IQCM: variants seen among roughly 807,000 people sequenced by gnomAD.
IQCM encodes the protein IQ domain-containing protein M.
In IQCM, 45 loss-of-function variants were observed where a neutral mutation model predicts 57.6. The observed-to-expected ratio is 0.78, with a 90% confidence interval of 0.62 to 1.00. The LOEUF is 1.00. IQCM is among the 50% of genes least tolerant of loss of function. The probability of loss-of-function intolerance (pLI) is 0.00; values close to 1 mark genes in which losing one functional copy is unlikely to be tolerated. For synonymous variants in IQCM, 148 were observed against 158.9 expected (o/e 0.93, Z 0.51); for missense variants, 468 against 511.6 (o/e 0.91, Z 0.82).
chr4:149,357,142 T>G (rs577019839), intron 13 of IQCM, among the ~76,000 whole-genome samples: 2 of 152,314 alleles, frequency 1.3e-5, no homozygotes, highest in African/African-American at 2.4e-5. Flanking sequence ...AAGGAGATTT[T>G]GGGCTGAGAC....
chr4:149,629,297 T>C (rs1358978574), intron 7 of IQCM, among the ~76,000 whole-genome samples: 1 of 152,230 alleles, frequency 6.6e-6, no homozygotes, highest in Non-Finnish European at 1.5e-5. Flanking sequence ...GCTTTCAAAC[T>C]GAATCCTGTT....
rs932546453 is a variant in IQCM, at chr4:149,495,038, G to C, written c.1228+53417C>G. ...GACAGATAAAGGATAGTTATTAGCGGAGAAAGTAAGAAAAAGGTAGAGATA... is the reference window on the plus strand; with the variant it reads ...GACAGATAAAGGATAGTTATTAGCGCAGAAAGTAAGAAAAAGGTAGAGATA... On this transcript the variant is annotated intron_variant, in intron 12 of 13. Coordinates refer to ENST00000636793, the MANE Select transcript of IQCM (RefSeq NM_001363507.2). Among the ~76,000 whole-genome samples the C allele has an allele frequency of 7.9e-5, 12 of 152,162 alleles. No individual in the cohort carries two copies. In the East Asian group the frequency reaches 2.3e-3, roughly 30 times the overall value.
At chr4:149,407,819 T>C (rs1416967669) in intron 13 of IQCM, among the ~76,000 whole-genome samples, 8 of 152,150 alleles carry the variant, frequency 5.3e-5, no homozygotes, top group African/African-American at 1.7e-4. Context: ...AATAAACATA[T>C]AAACACAGGA....
At chr4:149,685,472 T>C (rs1042673480) in intron 6 of IQCM, among the ~76,000 whole-genome samples, 2 of 151,466 alleles carry the variant, frequency 1.3e-5, no homozygotes, top group Non-Finnish European at 3.0e-5. Flanking sequence ...TGTGTATATA[T>C]TTCACTCTTT....
chr4:149,581,426 C>A (rs1579571091), intron 9 of IQCM, among the ~76,000 whole-genome samples: 1 of 151,434 alleles, frequency 6.6e-6, no homozygotes, highest in Non-Finnish European at 1.5e-5. Flanking sequence ...GTCTATCTCC[C>A]TTCTATGCCC....
chr4:149,365,498 C>T (rs1385565604), intron 13 of IQCM, among the ~76,000 whole-genome samples: 2 of 152,092 alleles, frequency 1.3e-5, no homozygotes, highest in East Asian at 3.8e-4. Flanking sequence ...GTCCCCTACC[C>T]CCATCCTTTG....
intron 13 of IQCM, among the ~76,000 whole-genome samples, chr4:149,429,079 G>T (rs888013183): frequency 1.3e-5 from 2 of 151,720 alleles, no homozygotes; most frequent in Admixed American, 1.3e-4. Flanking sequence ...CCCCTTCAAG[G>T]TATCTCCATT....
At chr4:149,367,427 T>A (rs1436564393) in intron 13 of IQCM, among the ~76,000 whole-genome samples, 1 of 152,012 alleles carries the variant, frequency 6.6e-6, no homozygotes, top group East Asian at 1.9e-4. Context: ...TTACAGAAAT[T>A]ATATCATACT....
intron 11 of IQCM, among the ~76,000 whole-genome samples, chr4:149,550,111 A>G (rs929836036): frequency 6.6e-6 from 1 of 152,178 alleles, no homozygotes; most frequent in Non-Finnish European, 1.5e-5. Flanking sequence ...CTCTGGCTAC[A>G]GGCCTTCACT....
intron 12 of IQCM, among the ~76,000 whole-genome samples, chr4:149,470,297 A>G (rs569325958): frequency 1.8e-4 from 27 of 148,822 alleles, no homozygotes; most frequent in Middle Eastern, 3.4e-3. Flanking sequence ...AGCAAATGGA[A>G]AAAAAAAAAA....
intron 5 of IQCM, among the ~76,000 whole-genome samples, chr4:149,697,883 C>T (rs1234634243): frequency 1.3e-5 from 2 of 152,038 alleles, no homozygotes; most frequent in Admixed American, 6.6e-5. Flanking sequence ...TGAATTTCCC[C>T]TGGTATGTTA....
intron 10 of IQCM, among the ~76,000 whole-genome samples, chr4:149,558,159 C>T (rs2149922054): frequency 6.6e-6 from 1 of 152,292 alleles, no homozygotes; most frequent in Non-Finnish European, 1.5e-5. Flanking sequence ...ACCAGTTTCT[C>T]TCAATCTTTC....
intron 13 of IQCM, among the ~76,000 whole-genome samples, chr4:149,418,215 G>GA (rs1358200367): frequency 6.6e-6 from 1 of 151,180 alleles, no homozygotes; most frequent in Non-Finnish European, 1.5e-5. Context: ...GACTAGTAAA[G>GA]AAGAGAGAAG....
intron 2 of IQCM, among the ~76,000 whole-genome samples, chr4:149,766,291 T>C (rs978541347): frequency 2.0e-5 from 3 of 152,158 alleles, no homozygotes; most frequent in African/African-American, 7.2e-5. Flanking sequence ...TCACATACTC[T>C]GTGTTCTTGG....
chr4:149,627,525 A>G (rs1012044793), intron 7 of IQCM, among the ~76,000 whole-genome samples: 3 of 152,206 alleles, frequency 2.0e-5, no homozygotes, highest in African/African-American at 7.2e-5. Context: ...TACCTGACCT[A>G]TGCTGCAGAA....
chr4:149,453,608 A>G (rs1054314743), intron 12 of IQCM, among the ~76,000 whole-genome samples: 10 of 151,936 alleles, frequency 6.6e-5, no homozygotes, highest in African/African-American at 1.7e-4. Flanking sequence ...ACAATAACAC[A>G]TGAATAGATA....
At chr4:149,481,959 A>G (rs952733427) in intron 12 of IQCM, among the ~76,000 whole-genome samples, 7 of 150,456 alleles carry the variant, frequency 4.7e-5, no homozygotes, top group Non-Finnish European at 1.0e-4. Context: ...TTTTCTCATC[A>G]GTGTTTTATA....
At chr4:149,722,079 T>C (rs1292177442) in intron 5 of IQCM, among the ~76,000 whole-genome samples, 2 of 152,034 alleles carry the variant, frequency 1.3e-5, no homozygotes, top group African/African-American at 4.8e-5. Context: ...TTTTTGACCA[T>C]TTGTATATCT....
intron 4 of IQCM, among the ~76,000 whole-genome samples, chr4:149,734,644 C>G (rs1766764947): frequency 6.6e-6 from 1 of 152,144 alleles, no homozygotes; most frequent in African/African-American, 2.4e-5. Flanking sequence ...ATTTGACACA[C>G]AGTAAACCAT....
Sources: allele counts gnomAD v4.1 joint callset (sites outside exome capture counted in the v4.1 genomes callset), GRCh38; gene constraint gnomAD v4.1.1; transcripts MANE v1.5; gene names NCBI Gene and HGNC (gene_info 2026-07-23, HGNC 2026-07-21).